Variants in CCDC187 observed in about 807,000 individuals in gnomAD.
The protein encoded by CCDC187 is coiled-coil domain containing 187.
In CCDC187, 32 loss-of-function variants were observed where a neutral mutation model predicts 38.0. That is an observed-to-expected ratio of 0.84 (90% CI 0.64 to 1.13). The LOEUF is 1.13. CCDC187 is among the 50% of genes most tolerant of loss of function. CCDC187 has a pLI of 0.00. For synonymous variants in CCDC187, 333 were observed against 347.9 expected (o/e 0.96, Z 0.48); for missense variants, 707 against 786.8 (o/e 0.90, Z 1.21).
intron 7 of CCDC187, among the ~76,000 whole-genome samples, chr9:136,288,538 C>T (rs1831235438): frequency 6.6e-6 from 1 of 152,222 alleles, no homozygotes; most frequent in Middle Eastern, 3.2e-3. Context: ...TGGCCGTGAG[C>T]TCCTCACAGG....
upstream of CCDC187, chr9:136,306,887 C>T (rs1199085367): frequency 6.6e-6 from 1 of 152,064 alleles, no homozygotes; most frequent in Non-Finnish European, 1.5e-5. Context: ...TCTCTGAGGC[C>T]GGTGATGGCG....
At position 136,251,482 on chromosome 9, in the gene CCDC187, G is replaced by C; in HGVS notation, c.*2112C>G. ...TCCACCCAGCTGCACGTCATGTGCC[G>C]GCAGTTTGGGTGTGGGAGGAGCCTC... On this transcript the variant is annotated 3_prime_UTR_variant, in exon 26 of 26. Coordinates refer to ENST00000638797, the MANE Select transcript of CCDC187 (RefSeq NM_001378188.1). The C allele has an allele frequency of 6.0e-6, 1 of 167,930 alleles. No individual in the cohort carries two copies. Among genetic ancestry groups the C allele is most frequent in the Non-Finnish European group, 1.3e-5 (1 of 75,596 alleles). The allele number at this position is 167,930 out of a possible 1,614,324, so 10.4% of individuals were successfully genotyped here. A position where few individuals can be genotyped will look rare whatever the true frequency, so the allele number is the denominator to read the frequency against.
intron 14 of CCDC187, among the ~76,000 whole-genome samples, chr9:136,268,701 A>G (rs550996624): frequency 1.3e-3 from 198 of 152,134 alleles, no homozygotes; most frequent in Non-Finnish European, 1.6e-3. Flanking sequence ...ACACACACAC[A>G]TGTGTGTTTA....
intron 10 of CCDC187, among the ~76,000 whole-genome samples, chr9:136,279,480 A>C (rs1341021649): frequency 6.6e-6 from 1 of 152,226 alleles, no homozygotes; most frequent in East Asian, 1.9e-4. Flanking sequence ...CTGCCCCTTC[A>C]GGCTGCCCCT....
intron 10 of CCDC187, among the ~76,000 whole-genome samples, chr9:136,277,099 GC>G (rs1830946441): frequency 6.6e-6 from 1 of 151,952 alleles, no homozygotes; most frequent in South Asian, 2.1e-4. Context: ...CATGGGCTTT[GC>G]CCCCAGACAG....
rs2131106408 is a variant in CCDC187 at position 136,255,644 on chromosome 9, G to C, written c.4693+13C>G. On this transcript the variant is annotated intron_variant, in intron 25 of 25. Transcript: ENST00000638797. ...TCGATGGCTGAAGGAGGGGCTGGGG[G>C]CTGGGGCATTACCTGGGGAGGCAGC... 3.1e-6 allele frequency: 3 copies of C among 983,202 alleles called. No homozygotes were observed. Among genetic ancestry groups the C allele is most frequent in the Non-Finnish European group, 3.6e-6 (3 of 827,880 alleles). 60.9% of individuals were successfully genotyped at this position (983,202 alleles called of 1,614,324 possible).
intron 9 of CCDC187, among the ~76,000 whole-genome samples, chr9:136,284,140 G>A (rs1831114932): frequency 6.6e-6 from 1 of 152,158 alleles, no homozygotes; most frequent in South Asian, 2.1e-4. Context: ...GGGAGGGGCA[G>A]GGAAAGGAGG....
intron 4 of CCDC187, among the ~76,000 whole-genome samples, chr9:136,293,383 TCA>T (rs1394170184): frequency 0.05 from 6,136 of 123,326 alleles, 383 homozygotes; most frequent in East Asian, 0.12. Context: ...ACACTCACAC[TCA>T]CATGCTCACA....
At chr9:136,290,188 G>C (rs1368073320) in intron 6 of CCDC187, 135 bp from the exon 7 acceptor site, 10 of 397,822 alleles carry the variant, frequency 2.5e-5, no homozygotes, top group African/African-American at 1.0e-4. Context: ...AGGAATCGGG[G>C]TCCCACTTCA....
intron 16 of CCDC187, 28 bp downstream of exon 16, chr9:136,267,356 G>GGGGCC: frequency 2.4e-5 from 24 of 984,934 alleles, no homozygotes; most frequent in Non-Finnish European, 2.9e-5. Flanking sequence ...ACGGCGGGGC[G>GGGGCC]GGGCCGGCGC....
At position 136,259,401 on chromosome 9, in the gene CCDC187, T is replaced by G. The variant is rs1830655464; in HGVS notation, c.4258A>C (p.Ser1420Arg). 1 of 984,994 alleles carries G rather than the reference T, an allele frequency of 1.0e-6. No individual in the cohort carries two copies. Among genetic ancestry groups the G allele is most frequent in the African/African-American group, 1.8e-5 (1 of 57,072 alleles). The allele number at this position is 984,994 out of a possible 1,614,324, so 61.0% of individuals were successfully genotyped here. A position where few individuals can be genotyped will look rare whatever the true frequency, so the allele number is the denominator to read the frequency against. Residue 1420 changes from serine (S) to arginine (R), a missense_variant, in exon 21 of 26, where the codon AGC (serine) becomes CGC (arginine). Coordinates refer to ENST00000638797, the MANE Select transcript of CCDC187 (RefSeq NM_001378188.1). ...RAPLLGLQHV[S>R]PPDGQRLGPA... Reference sequence around the variant, plus strand: ...CCCAGCCGCTGTCCGTCCGGGGGGCTCACGTGCTGCAGGCCCAGCAGAGGG... The same window carrying G: ...CCCAGCCGCTGTCCGTCCGGGGGGCGCACGTGCTGCAGGCCCAGCAGAGGG...
chr9:136,261,761 C>G (rs896405054), intron 19 of CCDC187, among the ~76,000 whole-genome samples: 4 of 152,236 alleles, frequency 2.6e-5, no homozygotes, highest in African/African-American at 9.6e-5. Context: ...GCTGCTCCCC[C>G]GGGTCTGCGC....
intron 18 of CCDC187, among the ~76,000 whole-genome samples, chr9:136,262,715 A>G (rs1207117131): frequency 6.6e-6 from 1 of 152,152 alleles, no homozygotes; most frequent in Non-Finnish European, 1.5e-5. Flanking sequence ...CCCCATGCCC[A>G]GCTCTGGAAT....
intron 3 of CCDC187, among the ~76,000 whole-genome samples, chr9:136,299,864 C>T (rs1198894942): frequency 1.3e-5 from 2 of 152,280 alleles, no homozygotes; most frequent in Non-Finnish European, 1.5e-5. Context: ...ACCTGGAGGG[C>T]CCCAGACCCA....
intron 4 of CCDC187, among the ~76,000 whole-genome samples, chr9:136,297,043 G>GT (rs1263883579): frequency 6.6e-6 from 1 of 152,024 alleles, no homozygotes; most frequent in Non-Finnish European, 1.5e-5. Flanking sequence ...GTGTGACAAA[G>GT]AAAGCAAGCA....
rs1255419423 is a variant in CCDC187 at position 136,258,580 on chromosome 9, A to C, written c.4366+352T>G. ...CCAAGTGTAAGGTTCAGAAAGAGAAAAATGTAATCGGTGCAGAAACCTCCG... is the reference window on the plus strand; with the variant it reads ...CCAAGTGTAAGGTTCAGAAAGAGAACAATGTAATCGGTGCAGAAACCTCCG... On this transcript the variant is annotated intron_variant, in intron 22 of 25. Transcript: ENST00000638797. This position sits in a 1 kb window ranked among gnomAD's most constrained non-coding sequence, Gnocchi z 4.3. 6.6e-6 allele frequency among the ~76,000 whole-genome samples: 1 copy of C among 152,162 alleles called. No homozygotes were observed. Among genetic ancestry groups the C allele is most frequent in the African/African-American group, 2.4e-5 (1 of 41,422 alleles).
intron 10 of CCDC187, among the ~76,000 whole-genome samples, chr9:136,280,428 C>T (rs1267482507): frequency 5.9e-5 from 9 of 152,296 alleles, no homozygotes; most frequent in South Asian, 2.1e-4. Flanking sequence ...GTGGGGAAGA[C>T]GCAGACCCTT....
In CCDC187 at chr9:136,274,425, C is replaced by T. The variant is rs544713363; in HGVS notation, c.3442+233G>A. ...CTGCCAGCTGTCTAACCCAGTTCCC[C>T]GGGCTCAAGCGATGCCAGGGGCTAG... On this transcript the variant is annotated intron_variant, in intron 14 of 25. Coordinates refer to ENST00000638797, the MANE Select transcript of CCDC187 (RefSeq NM_001378188.1). Among the ~76,000 whole-genome samples, 18 of 152,366 alleles carry T rather than the reference C, an allele frequency of 1.2e-4. No homozygotes were observed. In the South Asian group the frequency reaches 1.9e-3, roughly 16 times the overall value.
intron 24 of CCDC187, among the ~76,000 whole-genome samples, 192 bp from the exon 25 acceptor site, chr9:136,255,925 C>T (rs1554760239): frequency 6.6e-6 from 1 of 152,188 alleles, no homozygotes; most frequent in Non-Finnish European, 1.5e-5. Flanking sequence ...TGGGGGCATC[C>T]AGTCTCAATC....
Sources: allele counts gnomAD v4.1 joint callset (sites outside exome capture counted in the v4.1 genomes callset), GRCh38; gene constraint gnomAD v4.1.1; non-coding constraint Gnocchi (gnomAD v3.1); transcripts MANE v1.5; gene names NCBI Gene and HGNC (gene_info 2026-07-23, HGNC 2026-07-21).